The following GPSM2 variants were observed in gnomAD, a reference collection of about 807,000 sequenced individuals.
GPSM2 encodes G protein signaling modulator 2.
Under a neutral mutation model 78.4 loss-of-function variants are expected in GPSM2, and 58 were observed. That is an observed-to-expected ratio of 0.74 (90% CI 0.60 to 0.92). GPSM2 has a LOEUF of 0.92. Among genes scored for constraint, GPSM2 ranks in the 40% least tolerant of loss-of-function variants. GPSM2 has a pLI of 0.00. For missense variants in GPSM2, 700 were observed against 815.5 expected (o/e 0.86, Z 1.73); for synonymous variants, 224 against 280.2 (o/e 0.80, Z 2.00).
At chr1:108,919,190 T>C (rs1307186036) in intron 12 of GPSM2, among the ~76,000 whole-genome samples, 3 of 152,094 alleles carry the variant, frequency 2.0e-5, no homozygotes, top group African/African-American at 7.2e-5. Flanking sequence ...GTATTTTCAG[T>C]AGAGACGGGG....
At chr1:108,889,591 A>G (rs967007960) in intron 2 of GPSM2, among the ~76,000 whole-genome samples, 1 of 152,194 alleles carries the variant, frequency 6.6e-6, no homozygotes, top group African/African-American at 2.4e-5. Flanking sequence ...TTTGCGTCTA[A>G]GGAATAAATA....
intron 7 of GPSM2, 35 bp downstream of exon 7, chr1:108,899,029 G>A: frequency 1.7e-6 from 2 of 1,190,334 alleles, no homozygotes; most frequent in Non-Finnish European, 2.5e-6. Context: ...AATGTAAAAT[G>A]AATACTCAGT....
chr1:108,905,659 A>G (rs1463417275), intron 10 of GPSM2, among the ~76,000 whole-genome samples: 1 of 151,340 alleles, frequency 6.6e-6, no homozygotes, highest in African/African-American at 2.4e-5. Flanking sequence ...TCTTCTTCCT[A>G]CCTTCTTTCC....
chr1:108,928,959 T>G (rs1298017091), intron 14 of GPSM2, among the ~76,000 whole-genome samples: 4 of 146,390 alleles, frequency 2.7e-5, no homozygotes, highest in Non-Finnish European at 5.9e-5. Flanking sequence ...ACTGCAGTCC[T>G]GCCTGGATGA....
At chr1:108,925,290 A>G (rs980360773) in intron 14 of GPSM2, among the ~76,000 whole-genome samples, 4 of 152,234 alleles carry the variant, frequency 2.6e-5, no homozygotes, top group South Asian at 2.1e-4. Context: ...TGTGACTGGT[A>G]TAGACAATGA....
intron 12 of GPSM2, among the ~76,000 whole-genome samples, chr1:108,921,575 G>C (rs1042217369): frequency 3.9e-5 from 6 of 152,122 alleles, no homozygotes; most frequent in Non-Finnish European, 8.8e-5. Context: ...ATTTCACATA[G>C]GATAAAGTCT....
intron 9 of GPSM2, among the ~76,000 whole-genome samples, chr1:108,903,870 G>A (rs548967266): frequency 6.6e-6 from 1 of 152,180 alleles, no homozygotes; most frequent in African/African-American, 2.4e-5. Context: ...CTAATGTTTA[G>A]AGAACTAAAG....
At chr1:108,908,992 A>G (rs1033216121) in intron 10 of GPSM2, among the ~76,000 whole-genome samples, 1 of 152,076 alleles carries the variant, frequency 6.6e-6, no homozygotes, top group Non-Finnish European at 1.5e-5. Flanking sequence ...TTTTTTAATT[A>G]GCCATGCATG....
chr1:108,910,037 AAC>A (rs1456530670), intron 10 of GPSM2: 6 of 152,206 alleles, frequency 3.9e-5, no homozygotes, highest in East Asian at 1.9e-4. Flanking sequence ...ATAAAATTAA[AAC>A]AGTGTTTTCT....
intron 1 of GPSM2, chr1:108,882,434 A>T (rs1261259001): frequency 6.6e-6 from 1 of 152,182 alleles, no homozygotes; most frequent in Non-Finnish European, 1.5e-5. Flanking sequence ...ACCTAATACG[A>T]TGTAAATGCT....
Position 108,898,644 on chromosome 1 carries a change from A to G in GPSM2, c.560A>G (p.Glu187Gly). 1 of 1,613,864 alleles carries G rather than the reference A, an allele frequency of 6.2e-7. No individual in the cohort carries two copies. Among genetic ancestry groups the G allele is most frequent in the Non-Finnish European group, 8.5e-7 (1 of 1,179,830 alleles). The change falls in exon 6 of 15, where the codon GAA becomes GGA. Residue 187 changes from glutamate to glycine, a missense_variant and splice_region_variant. Physicochemically the swap from Glu to Gly is moderately conservative, Grantham distance 98. Coordinates refer to ENST00000264126, the MANE Select transcript of GPSM2 (RefSeq NM_013296.5). ...CATCACTTTTTGCGATCCCTTAGGG[A>G]AAACCTATCATTAGTGACTGCTTTG... ...ALQAAVDFYE[E>G]NLSLVTALGD...
intron 1 of GPSM2, among the ~76,000 whole-genome samples, chr1:108,880,444 A>T (rs1322431907): frequency 1.3e-5 from 2 of 152,174 alleles, no homozygotes; most frequent in African/African-American, 4.8e-5. Context: ...AAATACAAAA[A>T]TTAGCCAGGC....
At chr1:108,917,446 A>G (rs1181739788) in intron 11 of GPSM2, among the ~76,000 whole-genome samples, 1 of 151,006 alleles carries the variant, frequency 6.6e-6, no homozygotes, top group African/African-American at 2.4e-5. Context: ...GGGCACCTGT[A>G]GTCTCAGCTA....
In GPSM2 at chr1:108,930,751, T is replaced by C. The variant is rs1456553975; in HGVS notation, c.*811T>C. On this transcript the variant is annotated 3_prime_UTR_variant, in exon 15 of 15. Transcript: ENST00000264126. ...TAAAAATACAAAAATTAGCTGGGCATGGTGGCATGCGCCTGTAGTTTCAGC... is the reference window on the plus strand; with the variant it reads ...TAAAAATACAAAAATTAGCTGGGCACGGTGGCATGCGCCTGTAGTTTCAGC... 1 of 152,642 alleles carries C rather than the reference T, an allele frequency of 6.6e-6. No individual in the cohort carries two copies. The highest frequency in any genetic ancestry group is 1.5e-5 in the Non-Finnish European group (1 of 68,446). 9.5% of individuals were successfully genotyped at this position (152,642 alleles called of 1,614,324 possible). A position where few individuals can be genotyped will look rare whatever the true frequency, so the allele number is the denominator to read the frequency against.
At chr1:108,894,046 GAA>G (rs903294567) in intron 2 of GPSM2, among the ~76,000 whole-genome samples, 3 of 148,174 alleles carry the variant, frequency 2.0e-5, no homozygotes, top group Non-Finnish European at 4.5e-5. Context: ...TCCATCTCAA[GAA>G]AAAAAAAATT....
At chr1:108,918,825 G>C (rs1650474483) in intron 12 of GPSM2, 36 bp downstream of exon 12, 6 of 1,410,864 alleles carry the variant, frequency 4.3e-6, no homozygotes, top group Non-Finnish European at 6.0e-6. Context: ...ATTGTGTTTT[G>C]AGTACCGACA....
chr1:108,932,508 TGA>T lies in GPSM2; in HGVS notation c.*2569_*2570del, dbSNP rs1652169250. ...TTCATCCCCAAATGGATATCTGTAATGAAAGAATACAAAGGTGAAATTTTATT... is the reference window on the plus strand; with the variant it reads ...TTCATCCCCAAATGGATATCTGTAATAAGAATACAAAGGTGAAATTTTATT... On this transcript the variant is annotated 3_prime_UTR_variant, in exon 15 of 15. Transcript: ENST00000264126. The T allele has an allele frequency of 6.6e-6, 1 of 152,204 alleles. No individual in the cohort carries two copies. The highest frequency in any genetic ancestry group is 2.1e-4 in the South Asian group (1 of 4,834). 9.4% of individuals were successfully genotyped at this position (152,204 alleles called of 1,614,324 possible).
At chr1:108,926,622 T>C (rs1651135909) in intron 14 of GPSM2, 1 of 151,856 alleles carries the variant, frequency 6.6e-6, no homozygotes, top group South Asian at 2.1e-4. Flanking sequence ...TAACACATAA[T>C]ATAAACAGAA....
chr1:108,927,885 CCTAGGAGTTCAAGG>C (rs1190056964), intron 14 of GPSM2, among the ~76,000 whole-genome samples: 3 of 152,036 alleles, frequency 2.0e-5, no homozygotes, highest in African/African-American at 7.2e-5. Flanking sequence ...ATCACTTGAG[CCTAGGAGTTCAAGG>C]CTGCAGTGAG....
Sources: gnomAD v4.1 joint callset for allele counts (sites outside exome capture counted in the v4.1 genomes callset) on GRCh38, gnomAD v4.1.1 for gene constraint, MANE v1.5 for transcripts, NCBI Gene and HGNC (gene_info 2026-07-23, HGNC 2026-07-21) for gene names.